ASIP: variants seen among roughly 807,000 people sequenced by gnomAD.
The protein encoded by ASIP is agouti-signaling protein.
ASIP carries 11 observed loss-of-function variants against 10.3 expected under a neutral mutation model. That is an observed-to-expected ratio of 1.07 (90% confidence interval 0.68 to 1.78). ASIP has a LOEUF of 1.78. ASIP is among the 40% of genes most tolerant of loss of function. The pLI is 0.00. For missense variants in ASIP, 180 were observed against 169.2 expected, an observed-to-expected ratio of 1.06 and a Z score of -0.35; for synonymous variants, 70 against 70.8, an observed-to-expected ratio of 0.99 and a Z score of 0.06.
chr20:34,215,007 C>A (rs1438468506), intron 1 of ASIP: 21 of 1,442,446 alleles, frequency 1.5e-5, no homozygotes, highest in Non-Finnish European at 2.0e-5. Context: ...TGGCCAACAT[C>A]TTCTTCCTGG....
chr20:34,217,266 C>T (rs1233344637), intron 1 of ASIP, among the ~76,000 whole-genome samples: 1 of 151,808 alleles, frequency 6.6e-6, no homozygotes, highest in African/African-American at 2.4e-5. Context: ...GGCAAAACCC[C>T]ATCTCTACAA....
chr20:34,251,076 C>A (rs1168401371), intron 1 of ASIP, among the ~76,000 whole-genome samples: 27 of 152,136 alleles, frequency 1.8e-4, no homozygotes, highest in Non-Finnish European at 2.9e-5. Flanking sequence ...CCTGTACAAA[C>A]CCTCATTGCT....
At position 34,241,500 on chromosome 20, in the gene ASIP, A is replaced by G; in HGVS notation, c.-11+11A>G. Reference sequence around the variant, plus strand: ...TTTGCGGGAAAGCATGTGAGTTTAGATGGCAACTTTAATCTGCTTTCAGGA... The same window carrying G: ...TTTGCGGGAAAGCATGTGAGTTTAGGTGGCAACTTTAATCTGCTTTCAGGA... On this transcript the variant is annotated intron_variant, in intron 1 of 3. Coordinates refer to ENST00000374954, the MANE Select transcript of ASIP (RefSeq NM_001672.3). 1.0e-6 allele frequency: 1 copy of G among 985,446 alleles called. No homozygotes were observed. Among genetic ancestry groups the G allele is most frequent in the Non-Finnish European group, 1.2e-6 (1 of 829,940 alleles). The allele number at this position is 985,446 out of a possible 1,614,324, so 61.0% of individuals were successfully genotyped here. A position where few individuals can be genotyped will look rare whatever the true frequency, so the allele number is the denominator to read the frequency against.
At position 34,269,264 on chromosome 20, in the gene ASIP, G is replaced by C; in HGVS notation, c.*97G>C. The C allele has an allele frequency of 7.2e-7, 1 of 1,383,590 alleles. No individual in the cohort carries two copies. The highest frequency in any genetic ancestry group is 9.4e-7 in the Non-Finnish European group (1 of 1,062,492). The allele number at this position is 1,383,590 out of a possible 1,614,324, so 85.7% of individuals were successfully genotyped here. On this transcript the variant is annotated 3_prime_UTR_variant, in exon 4 of 4. Transcript: ENST00000374954. ...AACAGGGCGGCTTCCCAGGGCTGCAGGCGGGCGGAGGTTCCAGGAGATGGG... is the reference window on the plus strand; with the variant it reads ...AACAGGGCGGCTTCCCAGGGCTGCACGCGGGCGGAGGTTCCAGGAGATGGG...
At chr20:34,235,793 GAA>G (rs886471555) in intron 1 of ASIP, among the ~76,000 whole-genome samples, 2 of 41,498 alleles carry the variant, frequency 4.8e-5, no homozygotes, top group Admixed American at 2.9e-4. Flanking sequence ...AAAGAAGAAA[GAA>G]AGAAAGAAAG....
intron 1 of ASIP, among the ~76,000 whole-genome samples, chr20:34,223,701 A>G (rs554587024): frequency 1.4e-5 from 2 of 138,756 alleles, no homozygotes; most frequent in African/African-American, 2.8e-5. Context: ...CCCGGCCACC[A>G]CCCCGTCTGG....
chr20:34,235,885 GGAAGGAAGGAAGGAAAGGAA>G (rs2035190401), intron 1 of ASIP, among the ~76,000 whole-genome samples: 3 of 101,888 alleles, frequency 2.9e-5, no homozygotes, highest in Admixed American at 9.0e-5. Context: ...AAGGAAGGAA[GGAAGGAAGGAAGGAAAGGAA>G]GGAAGGAAGG....
At chr20:34,196,173 C>CTTTTTTT (rs34524786) in intron 1 of ASIP, among the ~76,000 whole-genome samples, 5 of 83,704 alleles carry the variant, frequency 6.0e-5, no homozygotes, top group African/African-American at 2.0e-4. Flanking sequence ...AGGGAGATTT[C>CTTTTTTT]TTTTTTTTTT....
At chr20:34,225,956 C>T (rs1424806347) in intron 1 of ASIP, among the ~76,000 whole-genome samples, 5 of 151,700 alleles carry the variant, frequency 3.3e-5, no homozygotes, top group African/African-American at 1.2e-4. Context: ...TGTAGTGGCG[C>T]AGTCTTGGCT....
chr20:34,262,989 G>C lies in ASIP; in HGVS notation c.222+96G>C, dbSNP rs537339407. 11 of 1,397,174 alleles carry C rather than the reference G, an allele frequency of 7.9e-6. No homozygotes were observed. In the South Asian group the frequency reaches 8.6e-5, roughly 11 times the overall value. The allele number at this position is 1,397,174 out of a possible 1,614,324, so 86.5% of individuals were successfully genotyped here. On this transcript the variant is annotated intron_variant, in intron 3 of 3. Transcript: ENST00000374954. ...ACCTCTGGCTAGGAACTAAATGAAA[G>C]ATTTTTCAGGCCTATATTAACAAAA... is the stretch of plus-strand genomic sequence containing the variant.
rs1016920153 is a variant in ASIP at position 34,210,630 on chromosome 20, C to T, written c.-11+15870C>T. Among the ~76,000 whole-genome samples, 11 of 152,192 alleles carry T rather than the reference C, an allele frequency of 7.2e-5. No homozygotes were observed. In the East Asian group the frequency reaches 7.7e-4, roughly 11 times the overall value. On this transcript the variant is annotated intron_variant, in intron 1 of 3. Transcript: ENST00000568305. Reference sequence around the variant, plus strand: ...GGCTGAGTGGGCAGAATAAGACCAGCGGGCCTGAGCAAAACTCAGGCAAAG... The same window carrying T: ...GGCTGAGTGGGCAGAATAAGACCAGTGGGCCTGAGCAAAACTCAGGCAAAG...
intron 1 of ASIP, among the ~76,000 whole-genome samples, chr20:34,221,357 G>A (rs367933214): frequency 4.0e-5 from 6 of 151,456 alleles, no homozygotes; most frequent in African/African-American, 7.3e-5. Context: ...CAGCCTGGGC[G>A]ACAGAGCGAG....
upstream of ASIP, among the ~76,000 whole-genome samples, chr20:34,240,966 G>A (rs555109039): frequency 9.9e-5 from 15 of 152,242 alleles, no homozygotes; most frequent in Non-Finnish European, 1.9e-4. Flanking sequence ...AGATGAGGTG[G>A]GGAAGCCAGC....
In ASIP at chr20:34,213,624, G is replaced by C. The variant is rs139852555; in HGVS notation, c.-11+18864G>C. Reference sequence around the variant, plus strand: ...GTACCTTGAATTTGGCCGTAATCTGGTTGATAAGAGGAATGAACTCCTGGA... The same window carrying C: ...GTACCTTGAATTTGGCCGTAATCTGCTTGATAAGAGGAATGAACTCCTGGA... On this transcript the variant is annotated intron_variant, in intron 1 of 3. Transcript: ENST00000568305. 4 of 1,565,106 alleles carry C rather than the reference G, an allele frequency of 2.6e-6. No homozygotes were observed. In the African/African-American group the frequency reaches 4.1e-5, roughly 16 times the overall value.
At chr20:34,241,362 A>C, upstream of ASIP, 2 of 773,348 alleles carry the variant, frequency 2.6e-6, no homozygotes, top group Non-Finnish European at 3.1e-6. Context: ...AGTTTGAAAT[A>C]ATTTTGTAGT....
In ASIP at chr20:34,223,437, A is replaced by G. The variant is rs1337779203; in HGVS notation, c.-11+28677A>G. On this transcript the variant is annotated intron_variant, in intron 1 of 3. Coordinates refer to the ASIP transcript ENST00000568305. Reference sequence around the variant, plus strand: ...TGAGGAGCCTCTCCGCCCGGCAGCCACCCCATCTGGGAAGTGAGGAGCGTC... The same window carrying G: ...TGAGGAGCCTCTCCGCCCGGCAGCCGCCCCATCTGGGAAGTGAGGAGCGTC... 8.8e-5 allele frequency among the ~76,000 whole-genome samples: 13 copies of G among 148,122 alleles called. No individual in the cohort carries two copies. The East Asian group carries it at 2.2e-3, about 25-fold the overall frequency.
intron 1 of ASIP, among the ~76,000 whole-genome samples, chr20:34,212,596 C>T (rs6087562): frequency 1.5e-3 from 226 of 152,264 alleles, no homozygotes; most frequent in Non-Finnish European, 1.6e-3. Context: ...CCAATAATGT[C>T]TTATATAGTA....
At chr20:34,198,564 G>A (rs1325113449) in intron 1 of ASIP, among the ~76,000 whole-genome samples, 1 of 151,984 alleles carries the variant, frequency 6.6e-6, no homozygotes, top group Non-Finnish European at 1.5e-5. Context: ...ATCCTTCACT[G>A]CAGCCTTGAA....
At chr20:34,188,535 A>C in the ASIP span, among the ~76,000 whole-genome samples, 1 of 152,226 alleles carries the variant, frequency 6.6e-6, no homozygotes, top group Non-Finnish European at 1.5e-5. Flanking sequence ...CTTTTTAATC[A>C]AGAAAATAGA....
Sources: gnomAD v4.1 joint callset for allele counts (sites outside exome capture counted in the v4.1 genomes callset) on GRCh38, gnomAD v4.1.1 for gene constraint, MANE v1.5 for transcripts, NCBI Gene and HGNC (gene_info 2026-07-23, HGNC 2026-07-21) for gene names.